ATP10B: variants seen among roughly 807,000 people sequenced by gnomAD.
The protein encoded by ATP10B is phospholipid-transporting ATPase VB.
A neutral mutation model predicts 141.2 loss-of-function variants in ATP10B; 122 were observed. The ratio of observed to expected loss-of-function variants is 0.86; its 90% confidence interval spans 0.75 to 1.00. ATP10B has a LOEUF of 1.00. Ranked by LOEUF, ATP10B falls within the 50% of genes least tolerant of loss-of-function variation. The pLI, the probability that ATP10B is intolerant of heterozygous loss-of-function variation, is 0.00. For synonymous variants in ATP10B, 685 were observed against 692.0 expected, an observed-to-expected ratio of 0.99 and a Z score of 0.16; for missense variants, 1,876 against 1,825.3, an observed-to-expected ratio of 1.03 and a Z score of -0.51.
intron 2 of ATP10B, among the ~76,000 whole-genome samples, chr5:160,755,672 G>A (rs1416771178): frequency 1.1e-4 from 16 of 148,722 alleles, no homozygotes; most frequent in Admixed American, 6.7e-4. Context: ...AAAATTAGCC[G>A]GGCATAGTGG....
the ATP10B span, among the ~76,000 whole-genome samples, chr5:160,890,201 T>C: frequency 2.0e-5 from 3 of 152,248 alleles, no homozygotes; most frequent in African/African-American, 7.2e-5. Flanking sequence ...AGAAGTTTCA[T>C]AGATATGTAG....
intron 7 of ATP10B, among the ~76,000 whole-genome samples, chr5:160,661,703 C>T (rs1761922749): frequency 6.6e-6 from 1 of 152,100 alleles, no homozygotes; most frequent in Non-Finnish European, 1.5e-5. Context: ...ACTGAATGGG[C>T]AAAAACTGGA....
intron 1 of ATP10B, among the ~76,000 whole-genome samples, chr5:160,827,076 C>A (rs12519597): frequency 0.1 from 15,227 of 152,236 alleles, 943 homozygotes; most frequent in East Asian, 0.18. Flanking sequence ...TTGTGACCTA[C>A]ACCCTGTTCC....
At chr5:160,702,367 A>T (rs748368286) in intron 3 of ATP10B, among the ~76,000 whole-genome samples, 3 of 152,174 alleles carry the variant, frequency 2.0e-5, no homozygotes, top group Non-Finnish European at 4.4e-5. Context: ...TCATAATAGA[A>T]GTTCCCTGTT....
intron 3 of ATP10B, among the ~76,000 whole-genome samples, chr5:160,716,491 T>C (rs1402971071): frequency 1.3e-5 from 2 of 152,170 alleles, no homozygotes; most frequent in East Asian, 3.9e-4. Flanking sequence ...AACCAGCCCA[T>C]CTACTCCAGA....
intron 1 of ATP10B, among the ~76,000 whole-genome samples, chr5:160,792,471 G>A (rs1771647088): frequency 6.6e-6 from 1 of 152,148 alleles, no homozygotes. Flanking sequence ...TAGGGCCACT[G>A]GAATATGAGC....
chr5:160,706,304 A>G (rs561785810), intron 3 of ATP10B, among the ~76,000 whole-genome samples: 29 of 152,352 alleles, frequency 1.9e-4, no homozygotes, highest in African/African-American at 6.5e-4. Context: ...CAAACCTTCA[A>G]TTTGTAAAAA....
chr5:160,757,663 G>T (rs1360283144), intron 2 of ATP10B, among the ~76,000 whole-genome samples: 1 of 152,084 alleles, frequency 6.6e-6, no homozygotes, highest in Non-Finnish European at 1.5e-5. Flanking sequence ...GATAAGCATA[G>T]GAAGACTGGA....
Position 160,850,261 on chromosome 5 carries a change from A to AAACAAAT in ATP10B, c.-576+1679_-576+1680insATTTGTT, listed in dbSNP as rs1160313267. On this transcript the variant is annotated intron_variant, in intron 1 of 25. Transcript: ENST00000327245. ...TCTCTACTAAAAAACAAAAAACAAAAAACAAAACAAAAATTAGCCAGGCAT... is the reference window on the plus strand; with the variant it reads ...TCTCTACTAAAAAACAAAAAACAAAAAACAAATAACAAAACAAAAATTAGCCAGGCAT... 2.0e-5 allele frequency among the ~76,000 whole-genome samples: 3 copies of AAACAAAT among 151,966 alleles called. No individual in the cohort carries two copies. In the East Asian group the frequency reaches 5.8e-4, roughly 29 times the overall value.
chr5:160,707,906 A>G (rs1765111175), intron 3 of ATP10B, among the ~76,000 whole-genome samples: 1 of 152,190 alleles, frequency 6.6e-6, no homozygotes, highest in Non-Finnish European at 1.5e-5. Flanking sequence ...TACAAGCTTG[A>G]AGAAGAATGA....
At chr5:160,731,260 T>C (rs1766722879) in intron 2 of ATP10B, among the ~76,000 whole-genome samples, 1 of 152,218 alleles carries the variant, frequency 6.6e-6, no homozygotes, top group South Asian at 2.1e-4. Context: ...TTCTAATGTG[T>C]TTAAGTTCAG....
the ATP10B span, among the ~76,000 whole-genome samples, chr5:160,891,858 T>C: frequency 0.013 from 1,905 of 152,294 alleles, 41 homozygotes; most frequent in African/African-American, 0.044. Flanking sequence ...GTTTTGTAAA[T>C]GGGGAAATTA....
At chr5:160,676,565 C>G (rs1236181411) in intron 6 of ATP10B, among the ~76,000 whole-genome samples, 6 of 152,176 alleles carry the variant, frequency 3.9e-5, no homozygotes, top group Non-Finnish European at 8.8e-5. Flanking sequence ...TCTTATATTT[C>G]TATATGCACA....
rs538289468 is a variant in ATP10B, at chr5:160,731,219, G to A, written c.-330-14185C>T. Among the ~76,000 whole-genome samples, 219 of 152,302 alleles carry A rather than the reference G, an allele frequency of 1.4e-3. 1 individual carries two copies. Among genetic ancestry groups the A allele is most frequent in the South Asian group, 5.6e-3 (27 of 4,830 alleles). On this transcript the variant is annotated intron_variant, in intron 2 of 25. Transcript: ENST00000327245. ...CCAAGATGAGTCAGCCTTGTTTGCC[G>A]TTTGTGAGTAAAGATGGGGAATTAA...
chr5:160,828,393 G>A (rs56055937), intron 1 of ATP10B, among the ~76,000 whole-genome samples: 27,784 of 151,194 alleles, frequency 0.18, 2,992 homozygotes, highest in Non-Finnish European at 0.25. Context: ...AAAAGTGGGC[G>A]AAGGACATGA....
chr5:160,825,872 A>G (rs1215239730), intron 1 of ATP10B, among the ~76,000 whole-genome samples: 2 of 152,110 alleles, frequency 1.3e-5, no homozygotes, highest in African/African-American at 2.4e-5. Flanking sequence ...TGTGCACTCA[A>G]TGTTTAGCTC....
chr5:160,739,662 A>T (rs1581443253), intron 2 of ATP10B, among the ~76,000 whole-genome samples: 1 of 152,180 alleles, frequency 6.6e-6, no homozygotes, highest in African/African-American at 2.4e-5. Context: ...CGTGCCCTGG[A>T]GGGAACATAG....
the ATP10B span, among the ~76,000 whole-genome samples, chr5:160,866,037 AT>A: frequency 1.7e-4 from 26 of 152,342 alleles, no homozygotes; most frequent in South Asian, 5.4e-3. Flanking sequence ...TAGAACTACC[AT>A]TTGATCCAAC....
chr5:160,590,956 G>A (rs1438072830), intron 23 of ATP10B, 103 bp downstream of exon 23: 9 of 973,080 alleles, frequency 9.2e-6, no homozygotes, highest in African/African-American at 1.6e-5. Context: ...TTGAGCCTCT[G>A]CTCTAAAGTG....
Sources: allele counts gnomAD v4.1 joint callset (sites outside exome capture counted in the v4.1 genomes callset), GRCh38; gene constraint gnomAD v4.1.1; transcripts MANE v1.5; gene names NCBI Gene and HGNC (gene_info 2026-07-23, HGNC 2026-07-21).